Variants in KIF4A observed in about 807,000 individuals in gnomAD.
KIF4A encodes chromosome-associated kinesin KIF4A.
KIF4A carries 7 observed loss-of-function variants against 105.9 expected under a neutral mutation model. The observed-to-expected ratio is 0.07, with a 90% CI of 0.04 to 0.12. The LOEUF is 0.12. KIF4A is among the 10% of genes least tolerant of loss of function. The probability of loss-of-function intolerance (pLI) is 1.00; values close to 1 mark genes in which losing one functional copy is unlikely to be tolerated. For synonymous variants in KIF4A, 281 were observed against 331.3 expected (o/e 0.85, Z 1.65); for missense variants, 558 against 929.2 (o/e 0.60, Z 5.19).
At chrX:70,415,876 T>C (rs1338552303) in intron 28 of KIF4A, among the ~76,000 whole-genome samples, 1 of 97,189 alleles carries the variant, frequency 1.0e-5, no homozygotes, top group Non-Finnish European at 2.1e-5. Context: ...TTTTTTTTTT[T>C]TTTTTTTTGA....
At position 70,352,586 on chromosome X, in the gene KIF4A, A is replaced by G. The variant is rs1397565381; in HGVS notation, c.1432-14A>G. On this transcript the variant is annotated splice_polypyrimidine_tract_variant and intron_variant, in intron 13 of 30. Coordinates refer to ENST00000374403, the MANE Select transcript of KIF4A (RefSeq NM_012310.5). ...TCAGACTCTTTCCCTAAACCAAAAC[A>G]TTTGTTACTGCAGGATGAAACTGTT... The G allele has an allele frequency of 8.4e-7, 1 of 1,187,699 alleles. No homozygotes were observed. Among genetic ancestry groups the G allele is most frequent in the Non-Finnish European group, 1.1e-6 (1 of 877,370 alleles).
At chrX:70,293,339 T>C (rs2085768350) in intron 3 of KIF4A, among the ~76,000 whole-genome samples, 1 of 112,509 alleles carries the variant, frequency 8.9e-6, no homozygotes, top group African/African-American at 3.2e-5. Context: ...AAAGCTTGCT[T>C]TGTGTTCCTT....
intron 28 of KIF4A, among the ~76,000 whole-genome samples, chrX:70,415,861 C>CT (rs1162374099): frequency 0.13 from 7,355 of 57,351 alleles, 660 homozygotes; most frequent in Non-Finnish European, 0.18. Context: ...TGCATTATTT[C>CT]TTTTTTTTTT....
chrX:70,296,221 A>C (rs1490584159), intron 3 of KIF4A, among the ~76,000 whole-genome samples: 2 of 105,550 alleles, frequency 1.9e-5, no homozygotes, highest in Non-Finnish European at 3.9e-5. Context: ...AGTAGCTGGG[A>C]TTATAGGCAC....
intron 18 of KIF4A, among the ~76,000 whole-genome samples, chrX:70,385,403 ACTGGACTAGCTTAGTCCT>A (rs1479094796): frequency 8.9e-6 from 1 of 112,102 alleles, no homozygotes; most frequent in Non-Finnish European, 1.9e-5. Context: ...TTCTCTTTCC[ACTGGACTAGCTTAGTCCT>A]CTGACTGTGT....
chrX:70,342,974 G>A lies in KIF4A; in HGVS notation c.1267-729G>A, dbSNP rs757201967. On this transcript the variant is annotated intron_variant, in intron 11 of 30. Coordinates refer to ENST00000374403, the MANE Select transcript of KIF4A (RefSeq NM_012310.5). ...ACTTCATAACAAGCACAACATTTTT[G>A]TCCTATATAAACGATTCTTTCCAGA... Among the ~76,000 whole-genome samples, 53 of 112,211 alleles carry A rather than the reference G, an allele frequency of 4.7e-4. 1 individual carries two copies. Among genetic ancestry groups the A allele is most frequent in the African/African-American group, 1.7e-3 (52 of 30,914 alleles).
chrX:70,315,768 C>T (rs2085867068), intron 7 of KIF4A, among the ~76,000 whole-genome samples: 1 of 111,931 alleles, frequency 8.9e-6, no homozygotes, highest in African/African-American at 3.2e-5. Context: ...TTCTTAGTCT[C>T]AAGGTAGAGA....
intron 3 of KIF4A, among the ~76,000 whole-genome samples, chrX:70,291,519 G>A (rs979182872): frequency 6.3e-5 from 7 of 111,261 alleles, no homozygotes; most frequent in African/African-American, 2.3e-4. Context: ...CTTTACTGGG[G>A]AAGCTAAGTC....
chrX:70,400,920 A>G (rs1173706991), intron 22 of KIF4A, among the ~76,000 whole-genome samples: 3 of 108,402 alleles, frequency 2.8e-5, no homozygotes, highest in Non-Finnish European at 5.7e-5. Flanking sequence ...GGCACCTGCC[A>G]CCAGGCCCAG....
Position 70,292,208 on chromosome X carries a change from GCA to G in KIF4A, c.235+1405_235+1406del, listed in dbSNP as rs1419960477. ...TACAACCATCAAAACAATAAAATTT[GCA>G]CTGCTACATTACTACCATCTATTCC... On this transcript the variant is annotated intron_variant, in intron 3 of 30. Coordinates refer to ENST00000374403, the MANE Select transcript of KIF4A (RefSeq NM_012310.5). Among the ~76,000 whole-genome samples the G allele has an allele frequency of 2.7e-5, 3 of 111,768 alleles. No individual in the cohort carries two copies. The Admixed American group carries it at 2.8e-4, about 11-fold the overall frequency.
At chrX:70,331,142 G>A (rs2147692022) in intron 9 of KIF4A, among the ~76,000 whole-genome samples, 1 of 93,989 alleles carries the variant, frequency 1.1e-5, no homozygotes, top group South Asian at 6.1e-4. Context: ...TATCTGTACA[G>A]TAGAAATAAT....
intron 5 of KIF4A, among the ~76,000 whole-genome samples, chrX:70,300,342 T>C (rs140650053): frequency 1.7e-3 from 193 of 111,676 alleles, no homozygotes; most frequent in Middle Eastern, 0.014. Flanking sequence ...AGATCTTTTA[T>C]ATACCCCATG....
chrX:70,334,481 C>T (rs965850447), intron 10 of KIF4A, among the ~76,000 whole-genome samples: 3 of 112,187 alleles, frequency 2.7e-5, no homozygotes, highest in Non-Finnish European at 3.8e-5. Context: ...GTAAGAAACC[C>T]AGCTCTCATC....
chrX:70,359,433 TTCTTTCTC>T (rs1433768498), intron 15 of KIF4A, among the ~76,000 whole-genome samples: 1 of 108,688 alleles, frequency 9.2e-6, no homozygotes, highest in East Asian at 2.9e-4. Context: ...CTTTCTTTCT[TTCTTTCTC>T]TCTCTCTCTC....
In KIF4A at chrX:70,395,989, C is replaced by T. The variant is rs978968007; in HGVS notation, c.2429C>T (p.Ser810Leu). 1.2e-5 allele frequency: 15 copies of T among 1,207,766 alleles called. No individual in the cohort carries two copies. Among genetic ancestry groups the T allele is most frequent in the African/African-American group, 5.3e-5 (3 of 57,008 alleles). The stretch of plus-strand genomic sequence containing the variant: ...CTTACTGAAGTGCGTGGTCAAGTTT[C>T]GGAGTCAGAAGATTCTATTACAAAG... ...FSLTEVRGQV[S>L]ESEDSITKQI... Residue 810 changes from serine to leucine, a missense_variant, in exon 22 of 31, where the codon TCG (serine) becomes TTG (leucine). By Grantham distance (145) the Ser-to-Leu change is moderately radical. Transcript: ENST00000374403.
rs188001945 is a variant in KIF4A, at chrX:70,408,958, C to T, written c.3255+1883C>T. 5.4e-5 allele frequency among the ~76,000 whole-genome samples: 6 copies of T among 111,948 alleles called. No homozygotes were observed. The East Asian group carries it at 1.7e-3, about 32-fold the overall frequency. On this transcript the variant is annotated intron_variant, in intron 28 of 30. Coordinates refer to ENST00000374403, the MANE Select transcript of KIF4A (RefSeq NM_012310.5). ...TTGGCTCACCACAACCTCCTCCTCC[C>T]GGGTTCAAGCGATTCTCCAGCCTCA...
At chrX:70,336,452 G>A (rs2147694999) in intron 10 of KIF4A, among the ~76,000 whole-genome samples, 1 of 111,762 alleles carries the variant, frequency 8.9e-6, no homozygotes, top group Admixed American at 9.5e-5. Flanking sequence ...CAGAAGAGAT[G>A]TACCAGTTTG....
At position 70,419,790 on chromosome X, in the gene KIF4A, G is replaced by T; in HGVS notation, c.3495+7G>T. On this transcript the variant is annotated splice_region_variant and intron_variant, in intron 30 of 30. Transcript: ENST00000374403. ...TGCCACCCCCAATAGCAAGGTAGGT[G>T]GGCTAAAAGGCAGGCATTGGAAAAC... 1 of 1,210,843 alleles carries T rather than the reference G, an allele frequency of 8.3e-7. No homozygotes were observed. Among genetic ancestry groups the T allele is most frequent in the Non-Finnish European group, 1.1e-6 (1 of 895,275 alleles).
chrX:70,400,952 A>T (rs1470682090), intron 22 of KIF4A, among the ~76,000 whole-genome samples: 2 of 108,029 alleles, frequency 1.9e-5, no homozygotes, highest in African/African-American at 6.8e-5. Flanking sequence ...TATTTTTAGT[A>T]GATACGGGGT....
Sources: allele counts gnomAD v4.1 joint callset (sites outside exome capture counted in the v4.1 genomes callset), GRCh38; gene constraint gnomAD v4.1.1; transcripts MANE v1.5; gene names NCBI Gene and HGNC (gene_info 2026-07-23, HGNC 2026-07-21).